The following DLGAP1 variants were observed in gnomAD, a reference collection of about 807,000 sequenced individuals.
The protein encoded by DLGAP1 is DLG associated protein 1.
A neutral mutation model predicts 90.8 loss-of-function variants in DLGAP1; 11 were observed. The ratio of observed to expected loss-of-function variants is 0.12; its 90% CI spans 0.08 to 0.20. The LOEUF (loss-of-function observed/expected upper bound fraction) is 0.20, where lower values mean the gene tolerates loss of function less well. DLGAP1 is among the 10% of genes least tolerant of loss of function. The pLI, the probability that DLGAP1 is intolerant of heterozygous loss-of-function variation, is 1.00. For missense variants in DLGAP1, 1,050 were observed against 1,333.8 expected (o/e 0.79, Z 3.31); for synonymous variants, 558 against 540.7 (o/e 1.03, Z -0.44).
intron 7 of DLGAP1, among the ~76,000 whole-genome samples, chr18:3,697,569 G>T (rs1236568931): frequency 6.6e-6 from 1 of 152,040 alleles, no homozygotes; most frequent in East Asian, 1.9e-4. Context: ...TATGATTTCT[G>T]TTATTTTGCA....
chr18:3,600,409 T>C (rs2056828760), intron 7 of DLGAP1, among the ~76,000 whole-genome samples: 1 of 151,886 alleles, frequency 6.6e-6, no homozygotes, highest in South Asian at 2.1e-4. Flanking sequence ...CAGCTTATTT[T>C]TGTATTAGTA....
intron 1 of DLGAP1, among the ~76,000 whole-genome samples, chr18:4,299,085 CAA>C (rs35327176): frequency 2.5e-4 from 19 of 76,312 alleles, no homozygotes; most frequent in Admixed American, 9.3e-4. Flanking sequence ...TGTCTCAAGA[CAA>C]AAAAAAAAAA....
At chr18:3,690,094 G>GTTTTTTTTTTTT (rs77999372) in intron 7 of DLGAP1, among the ~76,000 whole-genome samples, 1 of 116,880 alleles carries the variant, frequency 8.6e-6, no homozygotes. Context: ...GCTGGGTGAG[G>GTTTTTTTTTTTT]TTTTTTTTTT....
At chr18:3,883,424 C>T (rs2071232029) in intron 3 of DLGAP1, among the ~76,000 whole-genome samples, 1 of 152,210 alleles carries the variant, frequency 6.6e-6, no homozygotes, top group Non-Finnish European at 1.5e-5. Flanking sequence ...TTTCTTCCTC[C>T]TGTCTCCCAG....
chr18:3,907,506 G>T (rs2071936384), intron 3 of DLGAP1, among the ~76,000 whole-genome samples: 1 of 152,202 alleles, frequency 6.6e-6, no homozygotes, highest in Non-Finnish European at 1.5e-5. Context: ...AAGACAGCAA[G>T]CCTGTAATAG....
At chr18:4,255,782 ATAAATT>A (rs2078876928) in intron 1 of DLGAP1, among the ~76,000 whole-genome samples, 1 of 152,262 alleles carries the variant, frequency 6.6e-6, no homozygotes, top group Admixed American at 6.5e-5. Context: ...TAAACTAAAT[ATAAATT>A]TAATGTTTTT....
chr18:4,010,344 A>G (rs1429169583), intron 2 of DLGAP1, among the ~76,000 whole-genome samples: 1 of 152,206 alleles, frequency 6.6e-6, no homozygotes, highest in Non-Finnish European at 1.5e-5. Flanking sequence ...TATGAGTTCA[A>G]GACCAGTCTG....
chr18:3,905,366 CAAAAA>C (rs71160924), intron 3 of DLGAP1, among the ~76,000 whole-genome samples: 15 of 19,806 alleles, frequency 7.6e-4, no homozygotes, highest in Non-Finnish European at 1.2e-3. Flanking sequence ...GACTCCATCT[CAAAAA>C]AAAAAAAAAA....
chr18:4,232,767 G>C (rs2078327478), intron 1 of DLGAP1, among the ~76,000 whole-genome samples: 1 of 152,154 alleles, frequency 6.6e-6, no homozygotes, highest in Non-Finnish European at 1.5e-5. Flanking sequence ...ACTTAGGGCA[G>C]CAGAAGGGAC....
intron 1 of DLGAP1, among the ~76,000 whole-genome samples, chr18:4,308,514 T>C (rs756651651): frequency 3.3e-5 from 5 of 152,292 alleles, no homozygotes; most frequent in Non-Finnish European, 5.9e-5. Flanking sequence ...ACTCCAATTA[T>C]GGAAAGAATT....
chr18:4,129,523 C>T (rs1050400641), intron 2 of DLGAP1, among the ~76,000 whole-genome samples: 1 of 152,172 alleles, frequency 6.6e-6, no homozygotes, highest in African/African-American at 2.4e-5. Context: ...ACTGGTTCAT[C>T]ATCCTCACAG....
intron 4 of DLGAP1, among the ~76,000 whole-genome samples, chr18:3,841,001 G>C (rs2068684783): frequency 6.6e-6 from 1 of 152,198 alleles, no homozygotes; most frequent in South Asian, 2.1e-4. Flanking sequence ...CCCAGAAACT[G>C]CACATGTCTC....
intron 9 of DLGAP1, among the ~76,000 whole-genome samples, chr18:3,558,430 A>G (rs1004625293): frequency 6.6e-6 from 1 of 152,154 alleles, no homozygotes; most frequent in East Asian, 1.9e-4. Context: ...ATGGGGTTTC[A>G]CCATGTTGGC....
At chr18:3,913,610 T>G (rs1208855515) in intron 3 of DLGAP1, among the ~76,000 whole-genome samples, 1 of 152,214 alleles carries the variant, frequency 6.6e-6, no homozygotes, top group Non-Finnish European at 1.5e-5. Flanking sequence ...AAATATAGAT[T>G]CTTTTGGACT....
At chr18:3,651,995 C>A (rs1290154107) in intron 7 of DLGAP1, among the ~76,000 whole-genome samples, 7 of 144,814 alleles carry the variant, frequency 4.8e-5, no homozygotes, top group East Asian at 2.0e-4. Flanking sequence ...ACAACAACAA[C>A]AAAAAACAAA....
At chr18:3,686,278 C>T (rs8097308) in intron 7 of DLGAP1, among the ~76,000 whole-genome samples, 65,247 of 151,866 alleles carry the variant, frequency 0.43, 15,193 homozygotes, top group African/African-American at 0.61. Context: ...AACCTGACTG[C>T]TTTGATCAAG....
At chr18:3,631,306 G>T (rs933531807) in intron 7 of DLGAP1, among the ~76,000 whole-genome samples, 2 of 151,962 alleles carry the variant, frequency 1.3e-5, no homozygotes, top group Non-Finnish European at 1.5e-5. Context: ...ATGACTTTAG[G>T]AGTTAGTCTA....
chr18:4,167,265 A>G (rs1395664024), intron 1 of DLGAP1, among the ~76,000 whole-genome samples: 2 of 152,188 alleles, frequency 1.3e-5, no homozygotes, highest in Non-Finnish European at 2.9e-5. Flanking sequence ...AAATAAAAAC[A>G]TGGCCCTACT....
chr18:3,516,816 A>C (rs1188396939), intron 10 of DLGAP1, among the ~76,000 whole-genome samples: 2 of 152,206 alleles, frequency 1.3e-5, no homozygotes, highest in African/African-American at 4.8e-5. Flanking sequence ...TGATTTAATC[A>C]TCTCCCATCA....
Sources: gnomAD v4.1 joint callset for allele counts (sites outside exome capture counted in the v4.1 genomes callset) on GRCh38, gnomAD v4.1.1 for gene constraint, MANE v1.5 for transcripts, NCBI Gene and HGNC (gene_info 2026-07-23, HGNC 2026-07-21) for gene names.